The following ITPK1 variants were observed in gnomAD, a reference collection of about 807,000 sequenced individuals.
ITPK1 encodes inositol-tetrakisphosphate 1-kinase, also known as inositol 1,3,4-trisphosphate 5/6-kinase.
ITPK1 carries 21 observed loss-of-function variants against 45.3 expected under a neutral mutation model. The observed-to-expected ratio is 0.46, with a 90% CI of 0.33 to 0.67. ITPK1 has a LOEUF of 0.67. Among genes scored for constraint, ITPK1 ranks in the 30% least tolerant of loss-of-function variants. The probability of loss-of-function intolerance (pLI) is 0.02; values close to 1 mark genes in which losing one functional copy is unlikely to be tolerated. For synonymous variants in ITPK1, 258 were observed against 253.6 expected (o/e 1.02, Z -0.16); for missense variants, 474 against 573.5 (o/e 0.83, Z 1.77).
At chr14:93,041,636 C>T (rs1889566698) in intron 3 of ITPK1, among the ~76,000 whole-genome samples, 1 of 152,210 alleles carries the variant, frequency 6.6e-6, no homozygotes. Flanking sequence ...AGCCCACACC[C>T]GGGCACACAG....
chr14:93,015,384 C>CA (rs1197224931), intron 4 of ITPK1, among the ~76,000 whole-genome samples: 1 of 152,230 alleles, frequency 6.6e-6, no homozygotes, highest in African/African-American at 2.4e-5. Context: ...ACTCAGGAAG[C>CA]AGCACATCAC....
Position 92,941,224 on chromosome 14 carries a change from A to G in ITPK1, c.*337T>C. ...TGGCCATGGAGACCAACAGACAGGGATGTGCACAGACACTGGCATGGCAGC... is the reference window on the plus strand; with the variant it reads ...TGGCCATGGAGACCAACAGACAGGGGTGTGCACAGACACTGGCATGGCAGC... On this transcript the variant is annotated 3_prime_UTR_variant, in exon 11 of 11. Coordinates refer to ENST00000267615, the MANE Select transcript of ITPK1 (RefSeq NM_014216.6). 1 of 1,302,466 alleles carries G rather than the reference A, an allele frequency of 7.7e-7. No individual in the cohort carries two copies. The highest frequency in any genetic ancestry group is 1.6e-5 in the South Asian group (1 of 62,204). The allele number at this position is 1,302,466 out of a possible 1,614,324, so 80.7% of individuals were successfully genotyped here. A position where few individuals can be genotyped will look rare whatever the true frequency, so the allele number is the denominator to read the frequency against.
At chr14:92,994,590 G>C (rs1429428303) in intron 4 of ITPK1, among the ~76,000 whole-genome samples, 3 of 152,186 alleles carry the variant, frequency 2.0e-5, no homozygotes, top group Non-Finnish European at 2.9e-5. Flanking sequence ...ACTTACATGG[G>C]GGGAAGACAC....
intron 5 of ITPK1, among the ~76,000 whole-genome samples, chr14:92,979,034 G>A (rs1244139866): frequency 2.0e-5 from 3 of 152,174 alleles, no homozygotes; most frequent in Non-Finnish European, 2.9e-5. Context: ...GTACCCTGCA[G>A]AGCCACAGGG....
rs148232284 is a variant in ITPK1, at chr14:93,056,533, C to T, written c.120+20062G>A. ...AGAATTAGGAGACCTCAGCAGTGCA[C>T]CCCCAAGGGAAGAGGGACCAAGAGG... On this transcript the variant is annotated intron_variant, in intron 3 of 10. Coordinates refer to ENST00000267615, the MANE Select transcript of ITPK1 (RefSeq NM_014216.6). Among the ~76,000 whole-genome samples, 555 of 152,282 alleles carry T rather than the reference C, an allele frequency of 3.6e-3. 2 individuals carry two copies. The highest frequency in any genetic ancestry group is 0.012 in the African/African-American group (497 of 41,554).
At chr14:92,956,112 C>A (rs1884708159) in intron 8 of ITPK1, among the ~76,000 whole-genome samples, 1 of 145,716 alleles carries the variant, frequency 6.9e-6, no homozygotes, top group African/African-American at 2.5e-5. Flanking sequence ...ACTATTTGGG[C>A]TTAGTCTGCT....
At chr14:93,055,750 G>C (rs751024339) in intron 3 of ITPK1, among the ~76,000 whole-genome samples, 5 of 152,156 alleles carry the variant, frequency 3.3e-5, no homozygotes, top group Non-Finnish European at 7.3e-5. Flanking sequence ...CAGGCCTCAG[G>C]TAGAAACTGA....
In ITPK1 at chr14:92,937,565, C is replaced by T. The variant is rs1027022832; in HGVS notation, c.*3996G>A. 6.6e-6 allele frequency: 1 copy of T among 152,192 alleles called. No homozygotes were observed. Among genetic ancestry groups the T allele is most frequent in the Non-Finnish European group, 1.5e-5 (1 of 68,100 alleles). The allele number at this position is 152,192 out of a possible 1,614,324, so 9.4% of individuals were successfully genotyped here. On this transcript the variant is annotated 3_prime_UTR_variant, in exon 11 of 11. Transcript: ENST00000267615. The stretch of plus-strand genomic sequence containing the variant: ...GCAGGAGGCCATGGAGTCATGCTCA[C>T]CAGCTCTCCCCTGAGCAGTGCGGGA...
chr14:93,008,055 C>G (rs1887709814), intron 4 of ITPK1, among the ~76,000 whole-genome samples: 1 of 152,234 alleles, frequency 6.6e-6, no homozygotes, highest in African/African-American at 2.4e-5. Context: ...TCCAGCTGCA[C>G]CCAGCTACTG....
At chr14:92,950,043 A>C (rs531369828) in intron 9 of ITPK1, among the ~76,000 whole-genome samples, 1 of 152,356 alleles carries the variant, frequency 6.6e-6, no homozygotes, top group African/African-American at 2.4e-5. Context: ...AGGAAGAAGA[A>C]ACCAAGGCTC....
chr14:93,108,811 G>GAAAC (rs1216940281), intron 2 of ITPK1, among the ~76,000 whole-genome samples: 1 of 152,196 alleles, frequency 6.6e-6, no homozygotes, highest in Non-Finnish European at 1.5e-5. Context: ...CCAGGAGTTC[G>GAAAC]AAACCAACCT....
rs191196736 is a variant in ITPK1 at position 93,029,366 on chromosome 14, G to A, written c.121-12565C>T. On this transcript the variant is annotated intron_variant, in intron 3 of 10. Transcript: ENST00000267615. ...GTCTGTGTTGGACTCTGGAGGGTAT[G>A]GTGGGAGAGGTGAGAATCTTCAGGT... Among the ~76,000 whole-genome samples, 10 of 152,272 alleles carry A rather than the reference G, an allele frequency of 6.6e-5. No individual in the cohort carries two copies. In the East Asian group the frequency reaches 1.5e-3, roughly 24 times the overall value.
At chr14:93,090,950 C>T (rs1364990810) in intron 2 of ITPK1, among the ~76,000 whole-genome samples, 1 of 152,162 alleles carries the variant, frequency 6.6e-6, no homozygotes, top group Non-Finnish European at 1.5e-5. Flanking sequence ...CCATCATCCT[C>T]CCCTGCTCTT....
chr14:92,938,524 C>G lies in ITPK1; in HGVS notation c.*3037G>C, dbSNP rs772886151. ...CCTTCTATAAAGCACACTTGGCAGT[C>G]CCCTGGGTACAGAGAGGAATGTTTT... On this transcript the variant is annotated 3_prime_UTR_variant, in exon 11 of 11. Coordinates refer to ENST00000267615, the MANE Select transcript of ITPK1 (RefSeq NM_014216.6). 1 of 1,612,072 alleles carries G rather than the reference C, an allele frequency of 6.2e-7. No homozygotes were observed. The highest frequency in any genetic ancestry group is 2.2e-5 in the East Asian group (1 of 44,888).
chr14:92,969,409 C>G (rs1056644562), intron 5 of ITPK1, among the ~76,000 whole-genome samples: 1 of 152,070 alleles, frequency 6.6e-6, no homozygotes, highest in Admixed American at 6.6e-5. Flanking sequence ...GAGGCGCCAA[C>G]GAGGCACAGG....
At chr14:93,040,086 C>G (rs1395534861) in intron 3 of ITPK1, among the ~76,000 whole-genome samples, 3 of 152,258 alleles carry the variant, frequency 2.0e-5, no homozygotes, top group African/African-American at 7.2e-5. Flanking sequence ...ATTAATTCAG[C>G]CAATGTTTTG....
intron 2 of ITPK1, among the ~76,000 whole-genome samples, chr14:93,084,163 C>T (rs1239320577): frequency 6.6e-6 from 1 of 152,218 alleles, no homozygotes; most frequent in Non-Finnish European, 1.5e-5. Context: ...CTGCCACCCA[C>T]CAGCAGAGCC....
intron 5 of ITPK1, among the ~76,000 whole-genome samples, chr14:92,974,893 C>T (rs1885863375): frequency 2.0e-5 from 3 of 152,178 alleles, no homozygotes; most frequent in Admixed American, 6.5e-5. Context: ...ACAGGAGGAG[C>T]GGGGGTGTGA....
intron 3 of ITPK1, among the ~76,000 whole-genome samples, chr14:93,051,553 T>C (rs1244703679): frequency 1.6e-5 from 2 of 126,688 alleles, no homozygotes; most frequent in African/African-American, 2.7e-5. Flanking sequence ...GAGGCGGAGA[T>C]TGCAGTGAGT....
Sources: allele counts gnomAD v4.1 joint callset (sites outside exome capture counted in the v4.1 genomes callset), GRCh38; gene constraint gnomAD v4.1.1; transcripts MANE v1.5; gene names NCBI Gene and HGNC (gene_info 2026-07-23, HGNC 2026-07-21).